CA10: variants seen among roughly 807,000 people sequenced by gnomAD.
CA10 encodes carbonic anhydrase 10 (inactive).
A neutral mutation model predicts 44.2 loss-of-function variants in CA10; 14 were observed. The observed-to-expected ratio is 0.32, with a 90% CI of 0.21 to 0.50. CA10 has a LOEUF of 0.50. Among genes scored for constraint, CA10 ranks in the 20% least tolerant of loss-of-function variants. The pLI is 0.99. For missense variants in CA10, 350 were observed against 409.7 expected, an observed-to-expected ratio of 0.85 and a Z score of 1.26; for synonymous variants, 159 against 141.6, an observed-to-expected ratio of 1.12 and a Z score of -0.87.
At chr17:51,647,352 C>T (rs578200220) in intron 6 of CA10, among the ~76,000 whole-genome samples, 17 of 152,144 alleles carry the variant, frequency 1.1e-4, no homozygotes, top group Non-Finnish European at 2.2e-4. Flanking sequence ...AACTCTTCAC[C>T]GGCCTTCAGT....
chr17:51,660,990 A>G (rs140844628), intron 4 of CA10, among the ~76,000 whole-genome samples: 2 of 152,080 alleles, frequency 1.3e-5, no homozygotes, highest in African/African-American at 4.8e-5. Flanking sequence ...CCTACTTATG[A>G]ACTCCTTTGT....
At chr17:52,083,547 C>T (rs988195840) in intron 1 of CA10, among the ~76,000 whole-genome samples, 1 of 152,046 alleles carries the variant, frequency 6.6e-6, no homozygotes, top group African/African-American at 2.4e-5. Flanking sequence ...TAAGGAATTT[C>T]CCATCCCTCA....
intron 2 of CA10, among the ~76,000 whole-genome samples, chr17:51,967,453 G>A (rs191207393): frequency 7.2e-5 from 11 of 151,756 alleles, no homozygotes; most frequent in African/African-American, 2.4e-4. Context: ...GTCCCTCAAT[G>A]GTGGACTGGA....
intron 2 of CA10, among the ~76,000 whole-genome samples, chr17:52,007,316 C>G (rs1221805908): frequency 6.6e-6 from 1 of 151,372 alleles, no homozygotes; most frequent in African/African-American, 2.4e-5. Context: ...TACTAAATAC[C>G]TGTCTTTAAT....
chr17:52,072,716 C>CACAA (rs776721118), intron 1 of CA10, among the ~76,000 whole-genome samples: 19 of 123,466 alleles, frequency 1.5e-4, no homozygotes, highest in East Asian at 1.3e-3. Flanking sequence ...CACACACACA[C>CACAA]AACACACACA....
At chr17:51,681,776 C>A (rs1206473400) in intron 4 of CA10, among the ~76,000 whole-genome samples, 3 of 152,316 alleles carry the variant, frequency 2.0e-5, no homozygotes, top group South Asian at 2.1e-4. Flanking sequence ...GTGTAACCAT[C>A]ACCCAAATAA....
Position 51,855,171 on chromosome 17 carries a change from T to C in CA10, c.279+75819A>G, listed in dbSNP as rs141844206. Among the ~76,000 whole-genome samples, 635 of 152,236 alleles carry C rather than the reference T, an allele frequency of 4.2e-3. 2 individuals are homozygous for C. The highest frequency in any genetic ancestry group is 0.02 in the Middle Eastern group (6 of 294). On this transcript the variant is annotated intron_variant, in intron 3 of 8. Coordinates refer to ENST00000451037, the MANE Select transcript of CA10 (RefSeq NM_020178.5). ...TACTTTACTTTGGTTTTCTTATCTA[T>C]AAAATGGAGGATAACGCCAGCTTGA...
chr17:52,139,893 CTGTTTGGAGTGGG>C (rs1278228916), intron 1 of CA10, among the ~76,000 whole-genome samples: 1 of 152,144 alleles, frequency 6.6e-6, no homozygotes, highest in African/African-American at 2.4e-5. Flanking sequence ...AGTTAAGTGG[CTGTTTGGAGTGGG>C]TGTTTGGAGT....
chr17:52,019,520 A>C (rs1029755152), intron 2 of CA10, among the ~76,000 whole-genome samples: 1 of 152,018 alleles, frequency 6.6e-6, no homozygotes, highest in Non-Finnish European at 1.5e-5. Context: ...GTATTTGGAG[A>C]TTTTCTTACA....
intron 3 of CA10, among the ~76,000 whole-genome samples, chr17:51,857,622 A>G (rs1450340871): frequency 1.3e-5 from 2 of 152,172 alleles, no homozygotes; most frequent in Non-Finnish European, 2.9e-5. Flanking sequence ...TACTATCGCA[A>G]CAAACTATTA....
At position 51,717,663 on chromosome 17, in the gene CA10, A is replaced by ATG. The variant is rs1245328719; in HGVS notation, c.465+29969_465+29970insCA. Among the ~76,000 whole-genome samples the ATG allele has an allele frequency of 3.3e-5, 3 of 90,600 alleles. 1 individual carries two copies. The highest frequency in any genetic ancestry group is 1.1e-4 in the African/African-American group (3 of 27,548). The allele number at this position is 90,600 out of a possible 152,430, so 59.4% of individuals were successfully genotyped here. A position where few individuals can be genotyped will look rare whatever the true frequency, so the allele number is the denominator to read the frequency against. Reference sequence around the variant, plus strand: ...TGTATATATACATATATACGTATATATACATGTATATATGTATATATGTAT... The same window carrying ATG: ...TGTATATATACATATATACGTATATATGTACATGTATATATGTATATATGTAT... On this transcript the variant is annotated intron_variant, in intron 4 of 8. Coordinates refer to ENST00000451037, the MANE Select transcript of CA10 (RefSeq NM_020178.5).
At chr17:52,020,167 A>C (rs1986092071) in intron 2 of CA10, among the ~76,000 whole-genome samples, 1 of 151,956 alleles carries the variant, frequency 6.6e-6, no homozygotes, top group African/African-American at 2.4e-5. Context: ...TACCGCTGGT[A>C]ATATTTTTTG....
At chr17:52,107,585 T>G (rs892830780) in intron 1 of CA10, among the ~76,000 whole-genome samples, 3 of 152,080 alleles carry the variant, frequency 2.0e-5, no homozygotes, top group Non-Finnish European at 4.4e-5. Flanking sequence ...AACACCAGAT[T>G]CTAGATGGAG....
intron 3 of CA10, among the ~76,000 whole-genome samples, chr17:51,927,642 C>T (rs1179313889): frequency 1.3e-5 from 2 of 152,084 alleles, no homozygotes; most frequent in Non-Finnish European, 2.9e-5. Context: ...AACACAAACA[C>T]ACTGCGTACA....
At chr17:51,959,789 G>A (rs1983814811) in intron 2 of CA10, among the ~76,000 whole-genome samples, 1 of 51,428 alleles carries the variant, frequency 1.9e-5, no homozygotes, top group Non-Finnish European at 4.0e-5. Context: ...CTGATTACCT[G>A]CTAAGATGAA....
chr17:51,950,383 G>A (rs949403152), intron 2 of CA10, among the ~76,000 whole-genome samples: 3 of 152,128 alleles, frequency 2.0e-5, no homozygotes, highest in African/African-American at 7.2e-5. Flanking sequence ...ACATTCAACT[G>A]GGCTCCCCTG....
intron 4 of CA10, among the ~76,000 whole-genome samples, chr17:51,727,029 T>C (rs777330274): frequency 2.0e-5 from 3 of 152,316 alleles, no homozygotes; most frequent in South Asian, 2.1e-4. Flanking sequence ...TGCATGTCAA[T>C]TGCAGCCTTG....
chr17:51,759,908 C>T (rs1905173684), intron 3 of CA10, among the ~76,000 whole-genome samples: 1 of 152,116 alleles, frequency 6.6e-6, no homozygotes, highest in South Asian at 2.1e-4. Context: ...GTGGGTTATA[C>T]ATTGATTCAT....
intron 1 of CA10, among the ~76,000 whole-genome samples, chr17:52,131,718 T>C (rs937974336): frequency 6.6e-6 from 1 of 152,126 alleles, no homozygotes; most frequent in Non-Finnish European, 1.5e-5. Flanking sequence ...TTAAATCAGT[T>C]TCTGGATTTA....
Sources: gnomAD v4.1 joint callset for allele counts (sites outside exome capture counted in the v4.1 genomes callset) on GRCh38, gnomAD v4.1.1 for gene constraint, MANE v1.5 for transcripts, NCBI Gene and HGNC (gene_info 2026-07-23, HGNC 2026-07-21) for gene names.